Variants in UBE4B observed in about 807,000 individuals in gnomAD.
UBE4B encodes ubiquitin conjugation factor E4 B.
Under a neutral mutation model 148.1 loss-of-function variants are expected in UBE4B, and 27 were observed. The observed-to-expected ratio is 0.18, with a 90% CI of 0.13 to 0.25. UBE4B has a LOEUF of 0.25. UBE4B is among the 10% of genes least tolerant of loss of function. The pLI is 1.00. For missense variants in UBE4B, 1,170 were observed against 1,662.4 expected (o/e 0.70, Z 5.15); for synonymous variants, 596 against 619.3 (o/e 0.96, Z 0.56).
At chr1:10,173,295 G>A (rs563770856) in intron 25 of UBE4B, among the ~76,000 whole-genome samples, 3 of 151,992 alleles carry the variant, frequency 2.0e-5, no homozygotes, top group South Asian at 4.2e-4. Context: ...TGGCTAACAC[G>A]GTGAAACCCC....
intron 1 of UBE4B, among the ~76,000 whole-genome samples, chr1:10,060,922 T>C (rs1043276627): frequency 2.0e-5 from 3 of 152,110 alleles, no homozygotes; most frequent in African/African-American, 7.2e-5. Context: ...TTTTAAAATT[T>C]TTTTGTAGAG....
intron 7 of UBE4B, among the ~76,000 whole-genome samples, chr1:10,112,167 T>C (rs567916459): frequency 2.2e-4 from 33 of 152,132 alleles, no homozygotes; most frequent in African/African-American, 8.0e-4. Context: ...TGCAGCTCTG[T>C]TTCTATTATG....
Position 10,162,904 on chromosome 1 carries a change from G to A in UBE4B, c.3198+1618G>A, listed in dbSNP as rs186141498. Among the ~76,000 whole-genome samples the A allele has an allele frequency of 2.2e-4, 33 of 152,152 alleles. No homozygotes were observed. The South Asian group carries it at 2.7e-3, about 12-fold the overall frequency. ...TGTATTAAAGTTCTACCCATTCTCT[G>A]AGTAAGGTCCTATCCAAATACTCCC... On this transcript the variant is annotated intron_variant, in intron 23 of 27. Transcript: ENST00000343090.
At chr1:10,092,783 G>A (rs911540137) in intron 2 of UBE4B, among the ~76,000 whole-genome samples, 2 of 152,006 alleles carry the variant, frequency 1.3e-5, no homozygotes, top group Admixed American at 1.3e-4. Flanking sequence ...AGCCGAGATC[G>A]TGCCATTGCA....
At chr1:10,159,092 G>A (rs761612473) in intron 22 of UBE4B, among the ~76,000 whole-genome samples, 10 of 151,646 alleles carry the variant, frequency 6.6e-5, no homozygotes, top group Non-Finnish European at 1.2e-4. Flanking sequence ...TGTTTTCTAC[G>A]ATGACAGTGT....
intron 2 of UBE4B, among the ~76,000 whole-genome samples, chr1:10,080,225 G>A (rs1644654237): frequency 6.6e-6 from 1 of 152,062 alleles, no homozygotes; most frequent in Non-Finnish European, 1.5e-5. Context: ...ATTGAGACCA[G>A]CCTGGCCAAC....
rs375956063 is a variant in UBE4B at position 10,151,527 on chromosome 1, G to A, written c.2892G>A (p.Lys964=). Residue 964 remains lysine (K), a synonymous_variant, in exon 21 of 28, where the codon AAG becomes AAA. Transcript: ENST00000343090. The part of the protein sequence containing the change: ...EMIENHPLST[K]LLVPSLMKFY... ...TTGAGAACCATCCTCTCTCCACCAA[G>A]TTGTTGGTACCTTCCCTGATGAAGT... is the stretch of plus-strand genomic sequence containing the variant. 4 of 1,614,040 alleles carry A rather than the reference G, an allele frequency of 2.5e-6. No individual in the cohort carries two copies. The highest frequency in any genetic ancestry group is 2.5e-6 in the Non-Finnish European group (3 of 1,180,038).
At chr1:10,148,826 G>A (rs2101982790) in intron 19 of UBE4B, among the ~76,000 whole-genome samples, 1 of 152,004 alleles carries the variant, frequency 6.6e-6, no homozygotes, top group African/African-American at 2.4e-5. Context: ...TGTAATCTCA[G>A]CTATTCGGGA....
rs375573143 is a variant in UBE4B, at chr1:10,117,617, T to G, written c.1338+17T>G. The G allele has an allele frequency of 5.9e-5, 92 of 1,558,744 alleles. No homozygotes were observed. In the African/African-American group the frequency reaches 1.1e-3, roughly 18 times the overall value. On this transcript the variant is annotated intron_variant, in intron 8 of 27. Transcript: ENST00000343090. ...GCACCAAAGGTAATATGAAATGGATTAACTTAAAAAAAAAAAAGCCTAGTT... is the reference window on the plus strand; with the variant it reads ...GCACCAAAGGTAATATGAAATGGATGAACTTAAAAAAAAAAAAGCCTAGTT...
Position 10,138,883 on chromosome 1 carries a change from G to A in UBE4B, c.2363+1678G>A, listed in dbSNP as rs6541078. Reference sequence around the variant, plus strand: ...TTTTTCTTCTCTATTCTGTTAATGTGGTTGAATTATATCAGTTGGTTTTCT... The same window carrying A: ...TTTTTCTTCTCTATTCTGTTAATGTAGTTGAATTATATCAGTTGGTTTTCT... On this transcript the variant is annotated intron_variant, in intron 17 of 27. Transcript: ENST00000343090. Among the ~76,000 whole-genome samples, 1,491 of 152,102 alleles carry A rather than the reference G, an allele frequency of 9.8e-3. 17 individuals carry two copies. Among genetic ancestry groups the A allele is most frequent in the African/African-American group, 0.033 (1,380 of 41,494 alleles).
intron 18 of UBE4B, among the ~76,000 whole-genome samples, chr1:10,145,952 G>C (rs1185259377): frequency 6.6e-6 from 1 of 152,172 alleles, no homozygotes; most frequent in Non-Finnish European, 1.5e-5. Flanking sequence ...TTATAAACCT[G>C]AGTGTTAGCT....
chr1:10,037,057 C>T (rs1000349529), intron 1 of UBE4B, among the ~76,000 whole-genome samples: 3 of 152,220 alleles, frequency 2.0e-5, no homozygotes, highest in South Asian at 2.1e-4. Context: ...GACAGAGTTT[C>T]GCTCTTGTTG....
chr1:10,050,715 CCTATT>C lies in UBE4B; in HGVS notation c.24+17024_24+17028del, dbSNP rs1236584523. 4.6e-5 allele frequency among the ~76,000 whole-genome samples: 7 copies of C among 151,262 alleles called. No individual in the cohort carries two copies. In the East Asian group the frequency reaches 5.8e-4, roughly 13 times the overall value. On this transcript the variant is annotated intron_variant, in intron 1 of 27. Coordinates refer to ENST00000343090, the MANE Select transcript of UBE4B (RefSeq NM_001105562.3). ...TGATACAACATGTCTTTTCAGGACTCCTATTCTTTTTTTTTTTTTTTTTATAGAGG... is the reference window on the plus strand; with the variant it reads ...TGATACAACATGTCTTTTCAGGACTCCTTTTTTTTTTTTTTTTTATAGAGG...
intron 2 of UBE4B, among the ~76,000 whole-genome samples, chr1:10,089,120 C>T (rs1644808071): frequency 6.6e-6 from 1 of 152,216 alleles, no homozygotes; most frequent in Non-Finnish European, 1.5e-5. Context: ...GATTCTGCTG[C>T]CTCAGCCTCC....
intron 25 of UBE4B, among the ~76,000 whole-genome samples, chr1:10,175,575 T>C (rs556248711): frequency 2.2e-3 from 336 of 151,862 alleles, no homozygotes; most frequent in Admixed American, 7.2e-3. Flanking sequence ...GGCGTGAACC[T>C]GGGAGGTGGA....
At chr1:10,078,073 G>A (rs1038744029) in intron 2 of UBE4B, among the ~76,000 whole-genome samples, 1 of 151,682 alleles carries the variant, frequency 6.6e-6, no homozygotes, top group Non-Finnish European at 1.5e-5. Context: ...GCAGTGGCAC[G>A]ATCTTGGCTC....
Position 10,106,015 on chromosome 1 carries a change from T to G in UBE4B, c.810-182T>G, listed in dbSNP as rs1645099388. Among the ~76,000 whole-genome samples, 2 of 152,176 alleles carry G rather than the reference T, an allele frequency of 1.3e-5. No homozygotes were observed. The highest frequency in any genetic ancestry group is 4.8e-5 in the African/African-American group (2 of 41,446). ...TTCTTCGAATGGGGACTTTATCGTC[T>G]TGTAAGTATAGCCTCTAGATCAATA... On this transcript the variant is annotated intron_variant, in intron 6 of 27. Transcript: ENST00000343090. This position sits in a 1 kb window ranked among gnomAD's most constrained non-coding sequence, Gnocchi z 4.2.
rs72861448 is a variant in UBE4B at position 10,106,380 on chromosome 1, C to T, written c.993C>T (p.Arg331=). 1.3e-3 allele frequency: 2,031 copies of T among 1,613,680 alleles called. 26 individuals carry two copies. In the African/African-American group the frequency reaches 0.025, roughly 20 times the overall value. The change falls in exon 7 of 28, where the codon CGC becomes CGT. Residue 331 remains arginine, a synonymous_variant. Coordinates refer to ENST00000343090, the MANE Select transcript of UBE4B (RefSeq NM_001105562.3). This position sits in a 1 kb window ranked among gnomAD's most constrained non-coding sequence, Gnocchi z 4.2. The stretch of plus-strand genomic sequence containing the variant: ...GCCAGCCTTCATCCCCGCGGTATCG[C>T]CCCTACACTGTCACTCACCCATGGG... ...AGSQPSSPRY[R]PYTVTHPWAS...
At chr1:10,080,416 C>CAA (rs565960920) in intron 2 of UBE4B, among the ~76,000 whole-genome samples, 8 of 101,290 alleles carry the variant, frequency 7.9e-5, no homozygotes, top group South Asian at 2.9e-4. Flanking sequence ...GAATCCATCT[C>CAA]AAAAAAAAAA....
Sources: gnomAD v4.1 joint callset for allele counts (sites outside exome capture counted in the v4.1 genomes callset) on GRCh38, gnomAD v4.1.1 for gene constraint, Gnocchi (gnomAD v3.1) non-coding constraint, MANE v1.5 for transcripts, NCBI Gene and HGNC (gene_info 2026-07-23, HGNC 2026-07-21) for gene names.